Variants in PRLR observed in about 807,000 individuals in gnomAD.
The protein encoded by PRLR is hPRL receptor.
A neutral mutation model predicts 40.2 loss-of-function variants in PRLR; 13 were observed. The observed-to-expected ratio is 0.32, with a 90% confidence interval of 0.21 to 0.51. PRLR has a LOEUF of 0.51. PRLR is among the 20% of genes least tolerant of loss of function. PRLR has a pLI of 0.97. For missense variants in PRLR, 656 were observed against 747.3 expected (o/e 0.88, Z 1.42); for synonymous variants, 269 against 278.7 (o/e 0.97, Z 0.35).
At chr5:35,172,928 T>C (rs890754467) in intron 1 of PRLR, among the ~76,000 whole-genome samples, 1 of 152,250 alleles carries the variant, frequency 6.6e-6, no homozygotes, top group African/African-American at 2.4e-5. Context: ...ATTTTGACTT[T>C]TTAACCATAT....
At chr5:35,067,956 G>A (rs1280155051) in intron 9 of PRLR, among the ~76,000 whole-genome samples, 1 of 152,206 alleles carries the variant, frequency 6.6e-6, no homozygotes, top group East Asian at 1.9e-4. Flanking sequence ...CTATGCTTAT[G>A]AGTAGATCTG....
rs1773999853 is a variant in PRLR at position 35,140,779 on chromosome 5, T to G, written c.-105-22657A>C. Among the ~76,000 whole-genome samples the G allele has an allele frequency of 2.0e-5, 3 of 152,212 alleles. No homozygotes were observed. The South Asian group carries it at 6.2e-4, about 32-fold the overall frequency. On this transcript the variant is annotated intron_variant, in intron 1 of 9. Coordinates refer to ENST00000618457, the MANE Select transcript of PRLR (RefSeq NM_000949.7). ...GATTGGTCAGTGGCTATGCCAGAAC[T>G]GTTTTAAATATTTTGAATGTTACAT...
intron 1 of PRLR, among the ~76,000 whole-genome samples, chr5:35,220,491 ACT>A (rs1776388034): frequency 6.6e-6 from 1 of 152,048 alleles, no homozygotes; most frequent in African/African-American, 2.4e-5. Flanking sequence ...CCTTCAGCAA[ACT>A]CTATTCCCTT....
At chr5:35,199,265 C>CT (rs1200950612) in intron 1 of PRLR, among the ~76,000 whole-genome samples, 1 of 152,162 alleles carries the variant, frequency 6.6e-6, no homozygotes, top group Non-Finnish European at 1.5e-5. Context: ...TAGTTCTTTT[C>CT]TCCCCCTGAG....
intron 1 of PRLR, among the ~76,000 whole-genome samples, chr5:35,183,486 T>G (rs1775346016): frequency 6.6e-6 from 1 of 152,168 alleles, no homozygotes; most frequent in African/African-American, 2.4e-5. Flanking sequence ...GCCTTAAGTC[T>G]CAGGTTCTCC....
rs997979848 is a variant in PRLR, at chr5:35,061,708, G to A, written c.*3381C>T. 3 of 152,254 alleles carry A rather than the reference G, an allele frequency of 2.0e-5. No homozygotes were observed. The highest frequency in any genetic ancestry group is 2.1e-4 in the South Asian group (1 of 4,828). The allele number at this position is 152,254 out of a possible 1,614,324, so 9.4% of individuals were successfully genotyped here. ...AGGTTGTAAGCTACACAAATCACCC[G>A]TTGCCTAGATTCAGTTTCCATGCGC... On this transcript the variant is annotated 3_prime_UTR_variant, in exon 10 of 10. Transcript: ENST00000618457.
intron 1 of PRLR, among the ~76,000 whole-genome samples, chr5:35,229,518 C>T (rs946969488): frequency 6.6e-6 from 1 of 152,160 alleles, no homozygotes; most frequent in African/African-American, 2.4e-5. Context: ...CGGGCCGGCC[C>T]TCCAGTTACC....
chr5:35,134,407 G>A (rs1469724305), intron 1 of PRLR, among the ~76,000 whole-genome samples: 1 of 152,036 alleles, frequency 6.6e-6, no homozygotes, highest in African/African-American at 2.4e-5. Context: ...GCGGGGAGTG[G>A]GGGAGGGGGT....
At chr5:35,104,599 A>G (rs549919490) in intron 2 of PRLR, among the ~76,000 whole-genome samples, 1 of 152,294 alleles carries the variant, frequency 6.6e-6, no homozygotes, top group Non-Finnish European at 1.5e-5. Flanking sequence ...GGAGGGTCCT[A>G]TGCCCACGGA....
chr5:35,083,448 CTGTGTG>C (rs144426701), intron 5 of PRLR, among the ~76,000 whole-genome samples: 18 of 144,422 alleles, frequency 1.2e-4, no homozygotes, highest in East Asian at 6.1e-4. Context: ...TCCTCTCTCT[CTGTGTG>C]TGTGTGTGTG....
At position 35,056,066 on chromosome 5, in the gene PRLR, A is replaced by T. The variant is rs1371182917; in HGVS notation, c.*9023T>A. On this transcript the variant is annotated 3_prime_UTR_variant, in exon 10 of 10. Transcript: ENST00000618457. ...GACCCACATCCTCTTTCCTTTTCTT[A>T]AGAAAATATTTTATCACATTCGTAA... is the stretch of plus-strand genomic sequence containing the variant. The T allele has an allele frequency of 1.3e-5, 2 of 152,188 alleles. No individual in the cohort carries two copies. Among genetic ancestry groups the T allele is most frequent in the Non-Finnish European group, 2.9e-5 (2 of 68,030 alleles). The allele number at this position is 152,188 out of a possible 1,614,324, so 9.4% of individuals were successfully genotyped here. A position where few individuals can be genotyped will look rare whatever the true frequency, so the allele number is the denominator to read the frequency against.
intron 1 of PRLR, among the ~76,000 whole-genome samples, chr5:35,171,149 C>G (rs1209115447): frequency 2.6e-5 from 4 of 151,396 alleles, no homozygotes; most frequent in Admixed American, 6.6e-5. Context: ...GATGCTAAAA[C>G]CACTCTGGAA....
At chr5:35,180,581 T>TC (rs1291794815) in intron 1 of PRLR, among the ~76,000 whole-genome samples, 2 of 151,862 alleles carry the variant, frequency 1.3e-5, no homozygotes, top group African/African-American at 4.8e-5. Context: ...TTCTTTTCTT[T>TC]TCCCCCCTTT....
chr5:35,155,980 T>C (rs747324528), intron 1 of PRLR, among the ~76,000 whole-genome samples: 13 of 152,230 alleles, frequency 8.5e-5, no homozygotes, highest in Non-Finnish European at 1.6e-4. Context: ...TTCCTTACTT[T>C]GTAATTTTTT....
chr5:35,226,450 G>C (rs1334100464), intron 1 of PRLR, among the ~76,000 whole-genome samples: 1 of 152,226 alleles, frequency 6.6e-6, no homozygotes, highest in Non-Finnish European at 1.5e-5. Flanking sequence ...AAGATAAACA[G>C]AGTATACAGC....
chr5:35,099,759 G>C (rs1308814420), intron 2 of PRLR, among the ~76,000 whole-genome samples: 1 of 152,050 alleles, frequency 6.6e-6, no homozygotes, highest in Admixed American at 6.6e-5. Context: ...TAATGAAAAA[G>C]TTTAAAAAGT....
At chr5:35,201,104 CTT>C (rs1159051325) in intron 1 of PRLR, among the ~76,000 whole-genome samples, 4 of 152,180 alleles carry the variant, frequency 2.6e-5, no homozygotes, top group Non-Finnish European at 5.9e-5. Context: ...ACCTTAACAT[CTT>C]CATTAAATGG....
chr5:35,077,436 A>C (rs1195786696), intron 5 of PRLR, among the ~76,000 whole-genome samples: 1 of 152,226 alleles, frequency 6.6e-6, no homozygotes, highest in Non-Finnish European at 1.5e-5. Flanking sequence ...TGAAACCAAC[A>C]AAGATCAAAA....
chr5:35,197,134 T>C (rs181057745), intron 1 of PRLR, among the ~76,000 whole-genome samples: 1 of 152,288 alleles, frequency 6.6e-6, no homozygotes, highest in Admixed American at 6.5e-5. Flanking sequence ...CCAACTTTTT[T>C]ATTTTATTTT....
Sources: gnomAD v4.1 joint callset for allele counts (sites outside exome capture counted in the v4.1 genomes callset) on GRCh38, gnomAD v4.1.1 for gene constraint, MANE v1.5 for transcripts, NCBI Gene and HGNC (gene_info 2026-07-23, HGNC 2026-07-21) for gene names.